The following PAPSS2 variants were observed in gnomAD, a reference collection of about 807,000 sequenced individuals.
The protein encoded by PAPSS2 is 3'-phosphoadenosine 5'-phosphosulfate synthase 2, also known as bifunctional 3'-phosphoadenosine 5'-phosphosulfate synthase 2.
PAPSS2 carries 61 observed loss-of-function variants against 66.5 expected under a neutral mutation model. The ratio of observed to expected loss-of-function variants is 0.92; its 90% CI spans 0.75 to 1.14. The LOEUF (loss-of-function observed/expected upper bound fraction) is 1.14. Ranked by LOEUF, PAPSS2 falls within the 50% of genes most tolerant of loss-of-function variation. The pLI is 0.00. For missense variants in PAPSS2, 708 were observed against 789.6 expected (o/e 0.90, Z 1.24); for synonymous variants, 289 against 287.5 (o/e 1.01, Z -0.05).
chr10:87,669,221 T>A (rs554477886), intron 1 of PAPSS2, among the ~76,000 whole-genome samples: 1 of 152,222 alleles, frequency 6.6e-6, no homozygotes, highest in African/African-American at 2.4e-5. Flanking sequence ...ATTGATTAGA[T>A]AGCATGCAAT....
intron 1 of PAPSS2, among the ~76,000 whole-genome samples, chr10:87,695,540 C>T (rs1354575637): frequency 2.0e-5 from 3 of 152,180 alleles, no homozygotes; most frequent in Non-Finnish European, 4.4e-5. Flanking sequence ...GGGTCAGGAC[C>T]AAGGCTGAAC....
intron 1 of PAPSS2, among the ~76,000 whole-genome samples, chr10:87,686,341 CAAAAAAA>C (rs1211559805): frequency 1.7e-4 from 10 of 58,198 alleles, no homozygotes; most frequent in Admixed American, 8.0e-4. Flanking sequence ...GGCAACTTTC[CAAAAAAA>C]AAAAAAAAAA....
chr10:87,719,690 C>G (rs754531622), intron 7 of PAPSS2, among the ~76,000 whole-genome samples: 3 of 152,088 alleles, frequency 2.0e-5, no homozygotes, highest in African/African-American at 7.2e-5. Context: ...ATACGATGTT[C>G]GTCAGCTAGC....
At chr10:87,707,564 C>CTTTTT (rs747152482) in intron 1 of PAPSS2, among the ~76,000 whole-genome samples, 9 of 93,976 alleles carry the variant, frequency 9.6e-5, no homozygotes, top group Admixed American at 2.6e-4. Context: ...TCTTTTTTTT[C>CTTTTT]TTTTTTTTTT....
At chr10:87,708,082 A>G (rs1015670391) in intron 1 of PAPSS2, among the ~76,000 whole-genome samples, 1 of 152,074 alleles carries the variant, frequency 6.6e-6, no homozygotes, top group African/African-American at 2.4e-5. Flanking sequence ...TCCCCCTTGG[A>G]TCACATGTTA....
At chr10:87,743,825 C>T (rs928665532) in intron 11 of PAPSS2, among the ~76,000 whole-genome samples, 184 bp downstream of exon 11, 2 of 152,164 alleles carry the variant, frequency 1.3e-5, no homozygotes, top group East Asian at 1.9e-4. Flanking sequence ...TGCTAGAAGG[C>T]CAGGCGCAGT....
intron 9 of PAPSS2, among the ~76,000 whole-genome samples, 197 bp from the exon 10 acceptor site, chr10:87,741,037 TG>T (rs1205126808): frequency 6.6e-6 from 1 of 152,046 alleles, no homozygotes; most frequent in East Asian, 1.9e-4. Flanking sequence ...AAGCTCATGG[TG>T]GGGGGTACTC....
chr10:87,746,495 T>A lies in PAPSS2; in HGVS notation c.*525T>A, dbSNP rs2131733412. The A allele has an allele frequency of 6.5e-6, 1 of 152,940 alleles. No homozygotes were observed. Among genetic ancestry groups the A allele is most frequent in the South Asian group, 2.1e-4 (1 of 4,842 alleles). 9.5% of individuals were successfully genotyped at this position (152,940 alleles called of 1,614,324 possible). On this transcript the variant is annotated 3_prime_UTR_variant, in exon 13 of 13. Coordinates refer to ENST00000456849, the MANE Select transcript of PAPSS2 (RefSeq NM_001015880.2). ...ATTTTACCTCATGCTGTACAAAGCC[T>A]TAATGTTGTAATCATATCTTACGTG... is the stretch of plus-strand genomic sequence containing the variant.
chr10:87,731,451 G>A (rs540022801), intron 9 of PAPSS2, among the ~76,000 whole-genome samples: 1 of 152,252 alleles, frequency 6.6e-6, no homozygotes, highest in African/African-American at 2.4e-5. Context: ...TGCAGCCCAC[G>A]GATCAAAGAG....
intron 9 of PAPSS2, among the ~76,000 whole-genome samples, chr10:87,734,580 G>A (rs929944277): frequency 1.4e-5 from 2 of 147,592 alleles, no homozygotes; most frequent in Non-Finnish European, 1.5e-5. Flanking sequence ...TGAAAATGAG[G>A]ACATTAAATC....
intron 9 of PAPSS2, among the ~76,000 whole-genome samples, chr10:87,733,748 G>C (rs540588553): frequency 1.3e-5 from 2 of 152,222 alleles, no homozygotes; most frequent in African/African-American, 4.8e-5. Flanking sequence ...GAACTATTGA[G>C]TTAGATAATT....
At chr10:87,670,794 C>T (rs1014248700) in intron 1 of PAPSS2, among the ~76,000 whole-genome samples, 11 of 152,274 alleles carry the variant, frequency 7.2e-5, no homozygotes, top group Admixed American at 3.3e-4. Context: ...CACAGTTAGT[C>T]ACATTTAGGG....
At chr10:87,687,568 T>C (rs1358104305) in intron 1 of PAPSS2, among the ~76,000 whole-genome samples, 1 of 152,180 alleles carries the variant, frequency 6.6e-6, no homozygotes, top group Non-Finnish European at 1.5e-5. Flanking sequence ...TACCAGAGGC[T>C]GGTAACGATA....
At chr10:87,667,944 A>G (rs1392386229) in intron 1 of PAPSS2, among the ~76,000 whole-genome samples, 1 of 152,212 alleles carries the variant, frequency 6.6e-6, no homozygotes, top group East Asian at 1.9e-4. Flanking sequence ...TCCACCAAGC[A>G]TCTATATCCA....
chr10:87,667,973 T>G (rs1333913510), intron 1 of PAPSS2, among the ~76,000 whole-genome samples: 2 of 152,216 alleles, frequency 1.3e-5, no homozygotes. Context: ...CCACAATTAC[T>G]TTTTTAAAAC....
rs1564731074 is a variant in PAPSS2, at chr10:87,746,281, C to T, written c.*311C>T. 4.9e-6 allele frequency: 1 copy of T among 202,768 alleles called. No homozygotes were observed. The highest frequency in any genetic ancestry group is 9.8e-6 in the Non-Finnish European group (1 of 101,810). The allele number at this position is 202,768 out of a possible 1,614,324, so 12.6% of individuals were successfully genotyped here. On this transcript the variant is annotated 3_prime_UTR_variant, in exon 13 of 13. Coordinates refer to ENST00000456849, the MANE Select transcript of PAPSS2 (RefSeq NM_001015880.2). ...CAGATTTCTTAAGGCTTTGTTTGAC[C>T]ATGTGTCTAGTTACTTGCTGAAAAG...
At chr10:87,736,263 C>CTT (rs10553485) in intron 9 of PAPSS2, among the ~76,000 whole-genome samples, 1,507 of 103,142 alleles carry the variant, frequency 0.015, 36 homozygotes, top group Middle Eastern at 0.052. Flanking sequence ...TTCTTTCTTT[C>CTT]TTTTTTTTTT....
At chr10:87,682,091 G>C (rs1853028344) in intron 1 of PAPSS2, among the ~76,000 whole-genome samples, 1 of 152,164 alleles carries the variant, frequency 6.6e-6, no homozygotes, top group Non-Finnish European at 1.5e-5. Context: ...ATTTTGTTTA[G>C]AGGAATAATT....
chr10:87,705,740 A>ATT (rs564230347), intron 1 of PAPSS2, among the ~76,000 whole-genome samples: 1 of 138,802 alleles, frequency 7.2e-6, no homozygotes. Flanking sequence ...TTTTTTCCTT[A>ATT]TTTTTTTTTT....
Sources: gnomAD v4.1 joint callset for allele counts (sites outside exome capture counted in the v4.1 genomes callset) on GRCh38, gnomAD v4.1.1 for gene constraint, MANE v1.5 for transcripts, NCBI Gene and HGNC (gene_info 2026-07-23, HGNC 2026-07-21) for gene names.